The following ZFR2 variants were observed in gnomAD, a reference collection of about 807,000 sequenced individuals.
ZFR2 encodes zinc finger RNA-binding protein 2.
ZFR2 carries 104 observed loss-of-function variants against 105.7 expected under a neutral mutation model. That is an observed-to-expected ratio of 0.98 (90% confidence interval 0.84 to 1.16). The LOEUF is 1.16. Ranked by LOEUF, ZFR2 falls within the 50% of genes most tolerant of loss-of-function variation. The probability of loss-of-function intolerance (pLI) is 0.00; values close to 1 mark genes in which losing one functional copy is unlikely to be tolerated. For missense variants in ZFR2, 1,425 were observed against 1,355.5 expected, an observed-to-expected ratio of 1.05 and a Z score of -0.80; for synonymous variants, 634 against 597.7, an observed-to-expected ratio of 1.06 and a Z score of -0.89.
chr19:3,816,435 G>A (rs144756302), intron 13 of ZFR2, among the ~76,000 whole-genome samples: 3,658 of 149,102 alleles, frequency 0.025, 147 homozygotes, highest in African/African-American at 0.086. Flanking sequence ...TAGTAGAGAC[G>A]GTGTTTCACC....
At chr19:3,821,230 C>T (rs2037888399) in intron 10 of ZFR2, 110 bp downstream of exon 10, 7 of 1,371,788 alleles carry the variant, frequency 5.1e-6, no homozygotes, top group East Asian at 5.3e-5. Context: ...CCCCACTGCT[C>T]GAGAGCTCAC....
Position 3,838,141 on chromosome 19 carries a change from A to G in ZFR2, c.54-3158T>C, listed in dbSNP as rs868758174. Among the ~76,000 whole-genome samples, 19 of 146,244 alleles carry G rather than the reference A, an allele frequency of 1.3e-4. No homozygotes were observed. The highest frequency in any genetic ancestry group is 2.1e-4 in the East Asian group (1 of 4,762). On this transcript the variant is annotated intron_variant, in intron 1 of 18. Transcript: ENST00000262961. This position sits in a 1 kb window ranked among gnomAD's most constrained non-coding sequence, Gnocchi z 4.9. Reference sequence around the variant, plus strand: ...GATGAACACCGTGACTGTGACACACAATGAACACCGTGACTGTGACACTCG... The same window carrying G: ...GATGAACACCGTGACTGTGACACACGATGAACACCGTGACTGTGACACTCG...
intron 1 of ZFR2, among the ~76,000 whole-genome samples, chr19:3,843,614 C>T (rs559928029): frequency 9.2e-5 from 14 of 151,582 alleles, no homozygotes; most frequent in Admixed American, 7.2e-4. Context: ...AGGCAGATCA[C>T]GAGGTCAGGA....
At position 3,844,065 on chromosome 19, in the gene ZFR2, G is replaced by A. The variant is rs559468861; in HGVS notation, c.54-9082C>T. ...AGGGGAAGGGGAGTGAGTGTTTCACGGGGACAGAGCTTCAGTTTGGGAAGA... is the reference window on the plus strand; with the variant it reads ...AGGGGAAGGGGAGTGAGTGTTTCACAGGGACAGAGCTTCAGTTTGGGAAGA... On this transcript the variant is annotated intron_variant, in intron 1 of 18. Transcript: ENST00000262961. Among the ~76,000 whole-genome samples, 85 of 149,416 alleles carry A rather than the reference G, an allele frequency of 5.7e-4. 3 individuals carry two copies. In the South Asian group the frequency reaches 0.017, roughly 31 times the overall value.
At chr19:3,820,905 CG>C (rs748851575) in intron 10 of ZFR2, among the ~76,000 whole-genome samples, 1 of 76,124 alleles carries the variant, frequency 1.3e-5, no homozygotes, top group African/African-American at 5.3e-5. Flanking sequence ...CACTAGAGGT[CG>C]GGGGACACAG....
At position 3,831,105 on chromosome 19, in the gene ZFR2, ACG is replaced by A. The variant is rs955079026; in HGVS notation, c.852+196_852+197del. Among the ~76,000 whole-genome samples the A allele has an allele frequency of 1.2e-3, 188 of 152,030 alleles. 1 individual carries two copies. Among genetic ancestry groups the A allele is most frequent in the Admixed American group, 8.0e-3 (122 of 15,262 alleles). ...CACACATATACACATGCATAAACAC[ACG>A]CACACATACACACTCACACTTGCAC... On this transcript the variant is annotated intron_variant, in intron 5 of 18. Coordinates refer to ENST00000262961, the MANE Select transcript of ZFR2 (RefSeq NM_015174.2).
intron 1 of ZFR2, among the ~76,000 whole-genome samples, chr19:3,861,980 T>G (rs956041000): frequency 4.6e-5 from 7 of 152,136 alleles, no homozygotes; most frequent in Non-Finnish European, 7.4e-5. Flanking sequence ...ACAAGTCCCT[T>G]TCTACGTGTT....
Position 3,807,262 on chromosome 19 carries a change from GGGCC to G in ZFR2, c.2549_2552del (p.Gly850AlafsTer18), listed in dbSNP as rs761602996. ...CTCTCTCGCAGGGATCCTGGAGCCC[GGGCC>G]CGTCTTTGTGACGGGGAGTGGGAAC... On this transcript the variant is annotated frameshift_variant, in exon 18 of 19. Coordinates refer to ENST00000262961, the MANE Select transcript of ZFR2 (RefSeq NM_015174.2). LOFTEE classifies it high-confidence loss of function. The G allele has an allele frequency of 1.9e-6, 3 of 1,555,688 alleles. No individual in the cohort carries two copies. The South Asian group carries it at 3.6e-5, about 18-fold the overall frequency.
chr19:3,849,827 C>T (rs2038217668), intron 1 of ZFR2, among the ~76,000 whole-genome samples: 2 of 152,194 alleles, frequency 1.3e-5, no homozygotes, highest in South Asian at 2.1e-4. Context: ...ATCCACTGAG[C>T]CAGGGCGCAG....
chr19:3,820,085 G>A, intron 11 of ZFR2, 97 bp downstream of exon 11: 1 of 1,188,616 alleles, frequency 8.4e-7, no homozygotes. Context: ...AGTACTATGT[G>A]GGAGTTGGGG....
rs755271706 is a variant in ZFR2 at position 3,831,379 on chromosome 19, G to A, written c.776C>T (p.Pro259Leu). The A allele has an allele frequency of 4.5e-6, 7 of 1,558,090 alleles. No individual in the cohort carries two copies. In the East Asian group the frequency reaches 7.2e-5, roughly 16 times the overall value. Residue 259 changes from proline to leucine, a missense_variant, in exon 5 of 19, where the codon CCG becomes CTG. Coordinates refer to ENST00000262961, the MANE Select transcript of ZFR2 (RefSeq NM_015174.2). ...DSKPPLPSKL[P>L]RPKAGPRQLQ... The stretch of plus-strand genomic sequence containing the variant: ...CTGCCTGGGCCCCGCCTTGGGTCTC[G>A]GCAGCTTGCTGGGAAGCGGTGGCTT...
intron 1 of ZFR2, among the ~76,000 whole-genome samples, chr19:3,863,606 T>C (rs1434244183): frequency 6.6e-6 from 1 of 152,154 alleles, no homozygotes; most frequent in Non-Finnish European, 1.5e-5. Context: ...TGTTTTTTAA[T>C]GTCTAAAGGA....
chr19:3,816,922 C>T lies in ZFR2; in HGVS notation c.1932-77G>A, dbSNP rs181838549. 5.5e-4 allele frequency: 741 copies of T among 1,354,712 alleles called. 9 individuals carry two copies. In the African/African-American group the frequency reaches 9.4e-3, roughly 17 times the overall value. 83.9% of individuals were successfully genotyped at this position (1,354,712 alleles called of 1,614,324 possible). A position where few individuals can be genotyped will look rare whatever the true frequency, so the allele number is the denominator to read the frequency against. ...CCCCAGCTGCCTCCCTCCTGAGCTACGGGGACCCTGCAAGTTACAGAGCCT... is the reference window on the plus strand; with the variant it reads ...CCCCAGCTGCCTCCCTCCTGAGCTATGGGGACCCTGCAAGTTACAGAGCCT... On this transcript the variant is annotated intron_variant, in intron 12 of 18. Coordinates refer to ENST00000262961, the MANE Select transcript of ZFR2 (RefSeq NM_015174.2).
rs1299666467 is a variant in ZFR2, at chr19:3,813,719, C to A, written c.2242+101G>T. 6.6e-7 allele frequency: 1 copy of A among 1,510,104 alleles called. No individual in the cohort carries two copies. Among genetic ancestry groups the A allele is most frequent in the Non-Finnish European group, 8.9e-7 (1 of 1,118,056 alleles). 93.5% of individuals were successfully genotyped at this position (1,510,104 alleles called of 1,614,324 possible). A position where few individuals can be genotyped will look rare whatever the true frequency, so the allele number is the denominator to read the frequency against. On this transcript the variant is annotated intron_variant, in intron 14 of 18. Coordinates refer to ENST00000262961, the MANE Select transcript of ZFR2 (RefSeq NM_015174.2). This position sits in a 1 kb window ranked among gnomAD's most constrained non-coding sequence, Gnocchi z 4.4. ...TGGAGCGTGGCTGCTGTGGCATTTC[C>A]TGCTCAGGGCAGAGGCGGACGCTGC...
intron 12 of ZFR2, among the ~76,000 whole-genome samples, chr19:3,818,389 C>G (rs1195651791): frequency 6.6e-6 from 1 of 152,136 alleles, no homozygotes. Flanking sequence ...ACAGCTTGAG[C>G]CCGGGGGTCT....
At chr19:3,812,701 G>A (rs2037778890) in intron 14 of ZFR2, among the ~76,000 whole-genome samples, 1 of 152,044 alleles carries the variant, frequency 6.6e-6, no homozygotes, top group African/African-American at 2.4e-5. Context: ...GTTTTTAGAT[G>A]ACTATTTGTG....
At chr19:3,826,818 C>G (rs1446863902) in intron 6 of ZFR2, among the ~76,000 whole-genome samples, 1 of 152,302 alleles carries the variant, frequency 6.6e-6, no homozygotes, top group Non-Finnish European at 1.5e-5. Context: ...AAAGGGAACA[C>G]AGCATTGGGT....
In ZFR2 at chr19:3,831,636, C is replaced by G. The variant is rs1272673561; in HGVS notation, c.598+24G>C. The G allele has an allele frequency of 5.9e-6, 9 of 1,524,020 alleles. No homozygotes were observed. In the African/African-American group the frequency reaches 1.2e-4, roughly 21 times the overall value. The allele number at this position is 1,524,020 out of a possible 1,614,324, so 94.4% of individuals were successfully genotyped here. A position where few individuals can be genotyped will look rare whatever the true frequency, so the allele number is the denominator to read the frequency against. ...AAGTGGGGACCGACGGGCAGACCACCTGGGCAAGGAACGCTGGTCTTACCC... is the reference window on the plus strand; with the variant it reads ...AAGTGGGGACCGACGGGCAGACCACGTGGGCAAGGAACGCTGGTCTTACCC... On this transcript the variant is annotated intron_variant, in intron 4 of 18. Coordinates refer to ENST00000262961, the MANE Select transcript of ZFR2 (RefSeq NM_015174.2).
chr19:3,813,308 C>A lies in ZFR2; in HGVS notation c.2242+512G>T, dbSNP rs2037788465. Among the ~76,000 whole-genome samples, 4 of 152,320 alleles carry A rather than the reference C, an allele frequency of 2.6e-5. No individual in the cohort carries two copies. In the South Asian group the frequency reaches 8.3e-4, roughly 32 times the overall value. The stretch of plus-strand genomic sequence containing the variant: ...CTTCGCTGTGGCCGCTGGCCAAGAC[C>A]CTCGCTGCCCCTAGCCTGGCCCGGC... On this transcript the variant is annotated intron_variant, in intron 14 of 18. Coordinates refer to ENST00000262961, the MANE Select transcript of ZFR2 (RefSeq NM_015174.2). This position sits in a 1 kb window ranked among gnomAD's most constrained non-coding sequence, Gnocchi z 4.4.
Sources: allele counts gnomAD v4.1 joint callset (sites outside exome capture counted in the v4.1 genomes callset), GRCh38; gene constraint gnomAD v4.1.1; non-coding constraint Gnocchi (gnomAD v3.1); transcripts MANE v1.5; gene names NCBI Gene and HGNC (gene_info 2026-07-23, HGNC 2026-07-21).